Variants in TBC1D22A observed in about 807,000 individuals in gnomAD.
The protein encoded by TBC1D22A is TBC1 domain family member 22A.
Under a neutral mutation model 60.2 loss-of-function variants are expected in TBC1D22A, and 38 were observed. That is an observed-to-expected ratio of 0.63 (90% CI 0.49 to 0.83). The LOEUF (loss-of-function observed/expected upper bound fraction) is 0.83. TBC1D22A is among the 40% of genes least tolerant of loss of function. The probability of loss-of-function intolerance (pLI) is 0.00; values close to 1 mark genes in which losing one functional copy is unlikely to be tolerated. For missense variants in TBC1D22A, 628 were observed against 701.0 expected (o/e 0.90, Z 1.18); for synonymous variants, 302 against 281.7 (o/e 1.07, Z -0.72).
Position 46,992,156 on chromosome 22 carries a change from T to A in TBC1D22A, c.1126-5478T>A, listed in dbSNP as rs949118973. ...CCAAGACGACCCCACAGAGCCACAC[T>A]CGTGGCTGTGATTCTTCACAGTGCA... On this transcript the variant is annotated intron_variant, in intron 9 of 12. Coordinates refer to ENST00000337137, the MANE Select transcript of TBC1D22A (RefSeq NM_014346.5). 4.6e-5 allele frequency among the ~76,000 whole-genome samples: 7 copies of A among 152,326 alleles called. No individual in the cohort carries two copies. In the South Asian group the frequency reaches 1.2e-3, roughly 27 times the overall value.
At chr22:46,941,605 TACGCGGA>T in intron 8 of TBC1D22A, among the ~76,000 whole-genome samples, 1 of 147,784 alleles carries the variant, frequency 6.8e-6, no homozygotes, top group African/African-American at 2.5e-5. Context: ...GGAATATATA[TACGCGGA>T]ATATATATAC....
At chr22:47,069,702 C>A (rs2063894534) in intron 11 of TBC1D22A, among the ~76,000 whole-genome samples, 1 of 123,582 alleles carries the variant, frequency 8.1e-6, no homozygotes, top group Non-Finnish European at 1.7e-5. Context: ...TGGAGCGGGG[C>A]TGACCTGACG....
rs2067685480 is a variant in TBC1D22A at position 46,878,526 on chromosome 22, ATTTAG to A, written c.638-122_638-118del. On this transcript the variant is annotated intron_variant, in intron 4 of 12. Transcript: ENST00000337137. ...ATCAATCGTATCTGAAATGTTGATG[ATTTAG>A]TTTAATTTGTTTATGGGGCTCCTTG... 3.8e-5 allele frequency: 29 copies of A among 753,690 alleles called. No individual in the cohort carries two copies. In the South Asian group the frequency reaches 4.0e-4, roughly 10 times the overall value. The allele number at this position is 753,690 out of a possible 1,614,324, so 46.7% of individuals were successfully genotyped here. A position where few individuals can be genotyped will look rare whatever the true frequency, so the allele number is the denominator to read the frequency against.
chr22:47,128,913 C>T lies in TBC1D22A; in HGVS notation c.1425+17310C>T, dbSNP rs554133717. On this transcript the variant is annotated intron_variant, in intron 12 of 12. Coordinates refer to ENST00000337137, the MANE Select transcript of TBC1D22A (RefSeq NM_014346.5). ...CATGAGGCAGGCAAAGAAACAGGACCGTCAGCAGAGTGAAGAGAAGCGTTA... is the reference window on the plus strand; with the variant it reads ...CATGAGGCAGGCAAAGAAACAGGACTGTCAGCAGAGTGAAGAGAAGCGTTA... Among the ~76,000 whole-genome samples, 16 of 152,314 alleles carry T rather than the reference C, an allele frequency of 1.1e-4. No homozygotes were observed. The South Asian group carries it at 2.1e-3, about 20-fold the overall frequency.
intron 1 of TBC1D22A, among the ~76,000 whole-genome samples, chr22:46,776,667 G>A (rs958970819): frequency 2.0e-5 from 3 of 152,080 alleles, no homozygotes; most frequent in Admixed American, 1.3e-4. Flanking sequence ...CCAGGATGTC[G>A]GGTGAGAACC....
chr22:47,022,441 G>C (rs967785697), intron 10 of TBC1D22A, among the ~76,000 whole-genome samples: 3 of 152,130 alleles, frequency 2.0e-5, no homozygotes, highest in African/African-American at 7.2e-5. Context: ...AGTTTAGACA[G>C]AACAGGGAGT....
chr22:46,861,165 C>T (rs1298359641), intron 4 of TBC1D22A, among the ~76,000 whole-genome samples: 1 of 151,948 alleles, frequency 6.6e-6, no homozygotes, highest in African/African-American at 2.4e-5. Flanking sequence ...GCCCTCTTGC[C>T]CAGGTTGGTC....
chr22:46,824,944 G>C (rs1475940873), intron 4 of TBC1D22A, among the ~76,000 whole-genome samples: 1 of 152,168 alleles, frequency 6.6e-6, no homozygotes, highest in African/African-American at 2.4e-5. Flanking sequence ...AGGTGTGTCT[G>C]TAGTGATCTG....
chr22:47,078,457 G>T (rs1448548287), intron 11 of TBC1D22A, among the ~76,000 whole-genome samples: 1 of 152,168 alleles, frequency 6.6e-6, no homozygotes, highest in African/African-American at 2.4e-5. Context: ...ACAGCTCCAT[G>T]CCCCCCGCTC....
intron 10 of TBC1D22A, among the ~76,000 whole-genome samples, chr22:47,024,557 A>C (rs772639311): frequency 6.6e-6 from 1 of 152,158 alleles, no homozygotes; most frequent in East Asian, 1.9e-4. Context: ...ACTAGGCTGA[A>C]TATAGTTTCC....
At chr22:46,984,950 C>G (rs1375926020) in intron 9 of TBC1D22A, among the ~76,000 whole-genome samples, 1 of 152,186 alleles carries the variant, frequency 6.6e-6, no homozygotes, top group East Asian at 1.9e-4. Flanking sequence ...GTCCTGCACA[C>G]TAAGCTGGGG....
At chr22:46,775,861 C>T (rs1019945023) in intron 1 of TBC1D22A, among the ~76,000 whole-genome samples, 9 of 152,222 alleles carry the variant, frequency 5.9e-5, no homozygotes, top group Non-Finnish European at 8.8e-5. Flanking sequence ...TTCAAAGATA[C>T]GGTGTACCTT....
At chr22:47,160,331 G>T (rs577480782) in intron 12 of TBC1D22A, among the ~76,000 whole-genome samples, 1 of 152,326 alleles carries the variant, frequency 6.6e-6, no homozygotes, top group Admixed American at 6.5e-5. Context: ...CTCCCTTGCC[G>T]CTCACTGGGG....
At position 46,990,316 on chromosome 22, in the gene TBC1D22A, T is replaced by C. The variant is rs1406493038; in HGVS notation, c.1126-7318T>C. Reference sequence around the variant, plus strand: ...TTTTTCCCTACCTTCTTTGGATGAATTGATTATTTTTTTCAATTAATGGAG... The same window carrying C: ...TTTTTCCCTACCTTCTTTGGATGAACTGATTATTTTTTTCAATTAATGGAG... On this transcript the variant is annotated intron_variant, in intron 9 of 12. Transcript: ENST00000337137. The surrounding 1 kb of genome is among the most constrained non-coding windows in gnomAD (Gnocchi z 4.6). Among the ~76,000 whole-genome samples, 1 of 152,200 alleles carries C rather than the reference T, an allele frequency of 6.6e-6. No homozygotes were observed. Among genetic ancestry groups the C allele is most frequent in the Non-Finnish European group, 1.5e-5 (1 of 68,030 alleles).
intron 12 of TBC1D22A, among the ~76,000 whole-genome samples, chr22:47,140,683 G>T (rs2067050396): frequency 6.6e-6 from 1 of 152,260 alleles, no homozygotes; most frequent in Non-Finnish European, 1.5e-5. Flanking sequence ...GGGGATGCCT[G>T]CCCCTGCCTT....
chr22:46,863,487 A>G (rs2066909239), intron 4 of TBC1D22A, among the ~76,000 whole-genome samples: 1 of 152,110 alleles, frequency 6.6e-6, no homozygotes, highest in African/African-American at 2.4e-5. Flanking sequence ...CTTTGATGCC[A>G]TTTCTTTCAG....
intron 11 of TBC1D22A, among the ~76,000 whole-genome samples, chr22:47,090,607 G>A (rs899397445): frequency 2.6e-5 from 4 of 152,208 alleles, no homozygotes; most frequent in African/African-American, 9.6e-5. Flanking sequence ...CACAGCCTCT[G>A]CTTCCTCAGC....
chr22:46,980,675 A>G (rs1466567747), intron 9 of TBC1D22A, among the ~76,000 whole-genome samples: 1 of 124,994 alleles, frequency 8.0e-6, no homozygotes, highest in East Asian at 2.3e-4. Flanking sequence ...GAAAGATAGA[A>G]TTTAAAAAAT....
In TBC1D22A at chr22:47,045,607, T is replaced by C. The variant is rs1199201439; in HGVS notation, c.1329+8409T>C. On this transcript the variant is annotated intron_variant, in intron 11 of 12. Coordinates refer to ENST00000337137, the MANE Select transcript of TBC1D22A (RefSeq NM_014346.5). ...CATGCAGCAGAACGGGCAGTGTTGT[T>C]AGCGGGTTAGCGTTTTGATGACTCT... Among the ~76,000 whole-genome samples the C allele has an allele frequency of 2.0e-5, 3 of 152,236 alleles. No individual in the cohort carries two copies. In the East Asian group the frequency reaches 5.8e-4, roughly 29 times the overall value.
Sources: allele counts gnomAD v4.1 joint callset (sites outside exome capture counted in the v4.1 genomes callset), GRCh38; gene constraint gnomAD v4.1.1; non-coding constraint Gnocchi (gnomAD v3.1); transcripts MANE v1.5; gene names NCBI Gene and HGNC (gene_info 2026-07-23, HGNC 2026-07-21).